Variants in AUTS2 observed in about 807,000 individuals in gnomAD.
AUTS2 encodes the protein autism susceptibility gene 2 protein.
Under a neutral mutation model 112.4 loss-of-function variants are expected in AUTS2, and 17 were observed. The ratio of observed to expected loss-of-function variants is 0.15; its 90% CI spans 0.10 to 0.23. The LOEUF (loss-of-function observed/expected upper bound fraction) is 0.23, where lower values mean the gene tolerates loss of function less well. AUTS2 is among the 10% of genes least tolerant of loss of function. The probability of loss-of-function intolerance (pLI) is 1.00; values close to 1 mark genes in which losing one functional copy is unlikely to be tolerated. For missense variants in AUTS2, 1,510 were observed against 1,701.6 expected (o/e 0.89, Z 1.98); for synonymous variants, 751 against 702.7 (o/e 1.07, Z -1.09).
chr7:69,952,510 C>T (rs1171267410), intron 2 of AUTS2, among the ~76,000 whole-genome samples: 9 of 152,140 alleles, frequency 5.9e-5, no homozygotes, highest in Admixed American at 4.6e-4. Context: ...AAAGTGCATT[C>T]CATTGAACTA....
intron 4 of AUTS2, among the ~76,000 whole-genome samples, chr7:70,370,492 T>C (rs1792791271): frequency 6.6e-6 from 1 of 152,242 alleles, no homozygotes; most frequent in Non-Finnish European, 1.5e-5. Context: ...GGTTTATCCA[T>C]GTTGTAGTAT....
At chr7:69,773,888 C>T (rs369441403) in intron 1 of AUTS2, among the ~76,000 whole-genome samples, 8 of 152,186 alleles carry the variant, frequency 5.3e-5, no homozygotes, top group African/African-American at 1.4e-4. Context: ...GGAATCCCGT[C>T]GAACACCCTA....
chr7:70,692,509 T>C (rs1808805333), intron 5 of AUTS2, among the ~76,000 whole-genome samples: 1 of 152,232 alleles, frequency 6.6e-6, no homozygotes, highest in South Asian at 2.1e-4. Context: ...CAGCTGGGTA[T>C]TGTGACATCT....
At chr7:69,730,397 C>T (rs1786741734) in intron 1 of AUTS2, among the ~76,000 whole-genome samples, 1 of 152,108 alleles carries the variant, frequency 6.6e-6, no homozygotes, top group Non-Finnish European at 1.5e-5. Flanking sequence ...CCACCTGCCC[C>T]CCAATATTTC....
At chr7:70,296,021 C>T (rs1049062198) in intron 4 of AUTS2, among the ~76,000 whole-genome samples, 2 of 152,104 alleles carry the variant, frequency 1.3e-5, no homozygotes, top group African/African-American at 2.4e-5. Context: ...GAGCCATGCA[C>T]CTTTCCTTCG....
rs977939112 is a variant in AUTS2 at position 70,050,995 on chromosome 7, CATCA to C, written c.523-67122_523-67119del. 2.0e-5 allele frequency among the ~76,000 whole-genome samples: 3 copies of C among 151,998 alleles called. No homozygotes were observed. The East Asian group carries it at 5.8e-4, about 29-fold the overall frequency. The stretch of plus-strand genomic sequence containing the variant: ...GGGCGACAGAGCGAGACTCTGTCTC[CATCA>C]ATCAATCAATCAATTATTATTCATA... On this transcript the variant is annotated intron_variant, in intron 2 of 18. Transcript: ENST00000342771.
At chr7:70,661,665 A>G (rs912889059) in intron 5 of AUTS2, among the ~76,000 whole-genome samples, 1 of 152,010 alleles carries the variant, frequency 6.6e-6, no homozygotes, top group African/African-American at 2.4e-5. Flanking sequence ...ACAAATCTGT[A>G]GATCTGTAGA....
At chr7:70,317,289 C>A (rs1228832932) in intron 4 of AUTS2, among the ~76,000 whole-genome samples, 1 of 151,956 alleles carries the variant, frequency 6.6e-6, no homozygotes, top group Non-Finnish European at 1.5e-5. Context: ...GGTTTTGTAA[C>A]CTTTTGATGC....
chr7:69,977,830 T>C (rs1447936040), intron 2 of AUTS2, among the ~76,000 whole-genome samples: 1 of 152,218 alleles, frequency 6.6e-6, no homozygotes, highest in Non-Finnish European at 1.5e-5. Flanking sequence ...ATGAGACCTA[T>C]AAAATGAAAA....
chr7:69,740,908 A>G (rs551274259), intron 1 of AUTS2, among the ~76,000 whole-genome samples: 2 of 152,286 alleles, frequency 1.3e-5, no homozygotes, highest in South Asian at 4.1e-4. Context: ...GCTTTTGCCC[A>G]GGGATTGTTA....
At chr7:69,895,998 C>T (rs1466644234) in intron 1 of AUTS2, among the ~76,000 whole-genome samples, 1 of 152,192 alleles carries the variant, frequency 6.6e-6, no homozygotes, top group Non-Finnish European at 1.5e-5. Context: ...TTATATTACA[C>T]TTAGAAGTGG....
intron 4 of AUTS2, among the ~76,000 whole-genome samples, chr7:70,380,984 A>G (rs182391884): frequency 1.3e-5 from 2 of 152,352 alleles, no homozygotes; most frequent in Non-Finnish European, 2.9e-5. Context: ...ATAGAAGAGT[A>G]TAGGATAAAT....
intron 5 of AUTS2, among the ~76,000 whole-genome samples, chr7:70,594,305 T>TG (rs953788215): frequency 1.3e-5 from 2 of 152,008 alleles, no homozygotes; most frequent in African/African-American, 4.8e-5. Flanking sequence ...CCCCTGGGGT[T>TG]GGGGGGCAGG....
chr7:70,496,907 CCT>C (rs1798560315), intron 5 of AUTS2, among the ~76,000 whole-genome samples: 2 of 130,996 alleles, frequency 1.5e-5, no homozygotes, highest in African/African-American at 5.8e-5. Flanking sequence ...ATCACACACC[CCT>C]CACACACACC....
intron 1 of AUTS2, among the ~76,000 whole-genome samples, chr7:69,709,464 A>G (rs890564847): frequency 1.3e-5 from 2 of 152,142 alleles, no homozygotes; most frequent in Admixed American, 1.3e-4. Flanking sequence ...TAGTGTTTCT[A>G]CTGTAACTTC....
At chr7:69,619,586 A>T (rs1377709522) in intron 1 of AUTS2, among the ~76,000 whole-genome samples, 1 of 152,174 alleles carries the variant, frequency 6.6e-6, no homozygotes, top group Non-Finnish European at 1.5e-5. Flanking sequence ...CACGTCCGTG[A>T]CTGTACCCTC....
chr7:70,234,367 C>A (rs575156205), intron 4 of AUTS2, among the ~76,000 whole-genome samples: 1 of 152,260 alleles, frequency 6.6e-6, no homozygotes, highest in African/African-American at 2.4e-5. Context: ...TGAAAAGTTT[C>A]TCAACTCTTC....
At chr7:70,691,425 A>T (rs1282930906) in intron 5 of AUTS2, among the ~76,000 whole-genome samples, 1 of 152,072 alleles carries the variant, frequency 6.6e-6, no homozygotes, top group Non-Finnish European at 1.5e-5. Flanking sequence ...TCAAGGAAAA[A>T]AAAAAAAAAC....
intron 4 of AUTS2, among the ~76,000 whole-genome samples, chr7:70,297,219 G>A (rs539114654): frequency 6.6e-6 from 1 of 151,766 alleles, no homozygotes; most frequent in South Asian, 2.1e-4. Flanking sequence ...TGACCCAGTA[G>A]CCAGAGTATT....
Sources: allele counts gnomAD v4.1 joint callset (sites outside exome capture counted in the v4.1 genomes callset), GRCh38; gene constraint gnomAD v4.1.1; transcripts MANE v1.5; gene names NCBI Gene and HGNC (gene_info 2026-07-23, HGNC 2026-07-21).